The following ABCA12 variants were observed in gnomAD, a reference collection of about 807,000 sequenced individuals.
ABCA12 encodes the protein glucosylceramide transporter ABCA12.
In ABCA12, 156 loss-of-function variants were observed where a neutral mutation model predicts 293.5. The ratio of observed to expected loss-of-function variants is 0.53; its 90% confidence interval spans 0.47 to 0.61. ABCA12 has a LOEUF of 0.61. Among genes scored for constraint, ABCA12 ranks in the 20% least tolerant of loss-of-function variants. The pLI is 0.00. For synonymous variants in ABCA12, 1,063 were observed against 1,108.0 expected (o/e 0.96, Z 0.81); for missense variants, 2,797 against 3,090.2 (o/e 0.91, Z 2.25).
chr2:215,048,417 C>CG (rs60621630), intron 6 of ABCA12, among the ~76,000 whole-genome samples: 21,864 of 151,780 alleles, frequency 0.14, 4,758 homozygotes, highest in African/African-American at 0.47. Flanking sequence ...CAGAATCAGC[C>CG]GGTGCAGTGG....
intron 1 of ABCA12, among the ~76,000 whole-genome samples, chr2:215,114,067 T>C (rs1172804790): frequency 2.0e-5 from 3 of 152,092 alleles, no homozygotes; most frequent in Non-Finnish European, 2.9e-5. Flanking sequence ...CTCCGCCTCC[T>C]AGGTTCAAGC....
At chr2:214,951,218 T>A in intron 44 of ABCA12, 135 bp from the exon 45 acceptor site, 1 of 809,768 alleles carries the variant, frequency 1.2e-6, no homozygotes, top group Non-Finnish European at 2.1e-6. Flanking sequence ...TGTAATGAAT[T>A]ATGCTACTCA....
rs370388681 is a variant in ABCA12, at chr2:215,134,577, A to ATCTCTC, written c.69+3557_69+3562dup. Among the ~76,000 whole-genome samples, 40 of 76,850 alleles carry ATCTCTC rather than the reference A, an allele frequency of 5.2e-4. 2 individuals are homozygous for ATCTCTC. The highest frequency in any genetic ancestry group is 1.6e-3 in the African/African-American group (23 of 14,056). The allele number at this position is 76,850 out of a possible 152,430, so 50.4% of individuals were successfully genotyped here. On this transcript the variant is annotated intron_variant, in intron 1 of 52. Transcript: ENST00000272895. ...ATGTATATATGTGTGTATATATATA[A>ATCTCTC]TCTCTCTCTCTCTCTCTCTCTCTAT...
At chr2:215,011,234 A>G (rs1418874013) in intron 17 of ABCA12, among the ~76,000 whole-genome samples, 3 of 152,136 alleles carry the variant, frequency 2.0e-5, no homozygotes, top group African/African-American at 7.2e-5. Flanking sequence ...CAGGTTACTT[A>G]CCCTCCTTGT....
chr2:215,116,320 T>C (rs887686591), intron 1 of ABCA12, among the ~76,000 whole-genome samples: 1 of 152,172 alleles, frequency 6.6e-6, no homozygotes, highest in Non-Finnish European at 1.5e-5. Flanking sequence ...TGATCATTGC[T>C]AGTGGGGTCT....
intron 2 of ABCA12, among the ~76,000 whole-genome samples, chr2:215,084,410 G>A (rs1702001006): frequency 6.6e-6 from 1 of 152,202 alleles, no homozygotes; most frequent in Admixed American, 6.5e-5. Flanking sequence ...CACAACAGTT[G>A]ATTTTCTTAT....
intron 9 of ABCA12, among the ~76,000 whole-genome samples, chr2:215,027,324 C>T (rs1308671331): frequency 8.6e-5 from 13 of 151,262 alleles, no homozygotes; most frequent in Admixed American, 2.6e-4. Flanking sequence ...CCAGCCTGGG[C>T]GACAGAGCAA....
chr2:214,951,618 A>G (rs1001018930), intron 44 of ABCA12, among the ~76,000 whole-genome samples: 2 of 152,184 alleles, frequency 1.3e-5, no homozygotes, highest in Non-Finnish European at 2.9e-5. Flanking sequence ...TTATCCAGGC[A>G]TGGTGGTGCA....
chr2:215,134,471 T>C (rs993822027), intron 1 of ABCA12, among the ~76,000 whole-genome samples: 35 of 129,898 alleles, frequency 2.7e-4, no homozygotes, highest in African/African-American at 9.9e-4. Context: ...TGCATATGTG[T>C]ATGTGTATAT....
At chr2:214,971,714 T>C (rs1699389898) in intron 36 of ABCA12, among the ~76,000 whole-genome samples, 1 of 152,230 alleles carries the variant, frequency 6.6e-6, no homozygotes, top group Non-Finnish European at 1.5e-5. Flanking sequence ...AAATATATTG[T>C]ATTTGACATT....
At chr2:215,135,935 CT>C (rs142498976) in intron 1 of ABCA12, among the ~76,000 whole-genome samples, 99 of 152,228 alleles carry the variant, frequency 6.5e-4, no homozygotes, top group African/African-American at 2.4e-3. Flanking sequence ...TTTCTTTGCC[CT>C]TTCCCCCTCC....
At chr2:215,053,441 T>A (rs1701358551) in intron 4 of ABCA12, among the ~76,000 whole-genome samples, 1 of 152,046 alleles carries the variant, frequency 6.6e-6, no homozygotes, top group Non-Finnish European at 1.5e-5. Flanking sequence ...AATATATTTG[T>A]GAGATAACTG....
chr2:215,092,328 C>T (rs1449301024), intron 2 of ABCA12, among the ~76,000 whole-genome samples: 2 of 152,064 alleles, frequency 1.3e-5, no homozygotes, highest in Non-Finnish European at 2.9e-5. Context: ...AGTTATCTCC[C>T]CCTGCCCAGT....
chr2:215,072,338 C>T (rs553385530), intron 2 of ABCA12, among the ~76,000 whole-genome samples: 7 of 152,124 alleles, frequency 4.6e-5, no homozygotes, highest in Non-Finnish European at 8.8e-5. Context: ...TACCTTGAGA[C>T]TCTGGCTATG....
chr2:215,062,614 C>T (rs182799471), intron 3 of ABCA12, among the ~76,000 whole-genome samples: 24 of 152,080 alleles, frequency 1.6e-4, no homozygotes, highest in East Asian at 1.6e-3. Flanking sequence ...ATATTGCAAC[C>T]GTGTTAGCTG....
At chr2:215,048,110 C>T (rs774628912) in intron 6 of ABCA12, among the ~76,000 whole-genome samples, 1 of 151,834 alleles carries the variant, frequency 6.6e-6, no homozygotes, top group African/African-American at 2.4e-5. Context: ...AAATCAAAAC[C>T]ACAATGAGAT....
chr2:215,011,693 T>C, intron 16 of ABCA12, 44 bp from the exon 17 acceptor site: 2 of 1,573,002 alleles, frequency 1.3e-6, no homozygotes, highest in South Asian at 1.1e-5. Flanking sequence ...ATATGAGCTT[T>C]AGAAGCTACT....
At position 214,986,702 on chromosome 2, in the gene ABCA12, T is replaced by C; in HGVS notation, c.4003A>G (p.Ile1335Val). The change falls in exon 28 of 53, where the codon ATC becomes GTC. Residue 1335 changes from isoleucine (I) to valine (V), a missense_variant. Around this residue, in one of 3 missense-constraint regions of ABCA12, gnomAD observed 2,130 missense variants for 2,427.0 expected, o/e 0.88. Coordinates refer to ENST00000272895, the MANE Select transcript of ABCA12 (RefSeq NM_173076.3). ...ASPEYMFSSNIEPEPKDLTVG... is the reference protein window; with the variant it reads ...ASPEYMFSSNVEPEPKDLTVG... ...GTGAGATCTTTAGGTTCAGGCTCGA[T>C]GTTAGAGGAAAACATGTATTCAGGA... 1.9e-6 allele frequency: 3 copies of C among 1,614,116 alleles called. No homozygotes were observed. Among genetic ancestry groups the C allele is most frequent in the Non-Finnish European group, 2.5e-6 (3 of 1,179,982 alleles).
At chr2:215,071,440 A>G (rs1403294637) in intron 2 of ABCA12, among the ~76,000 whole-genome samples, 3 of 152,094 alleles carry the variant, frequency 2.0e-5, no homozygotes, top group Non-Finnish European at 2.9e-5. Context: ...AAACAATAAA[A>G]TGCCAGAGAT....
Sources: allele counts gnomAD v4.1 joint callset (sites outside exome capture counted in the v4.1 genomes callset), GRCh38; gene constraint gnomAD v4.1.1; regional missense constraint gnomAD v4.1.1; transcripts MANE v1.5; gene names NCBI Gene and HGNC (gene_info 2026-07-23, HGNC 2026-07-21).